Variants in DIS3L2 observed in about 807,000 individuals in gnomAD.
The protein encoded by DIS3L2 is DIS3 like 3'-5' exoribonuclease 2, also known as DIS3-like exonuclease 2.
Under a neutral mutation model 97.5 loss-of-function variants are expected in DIS3L2, and 34 were observed. The observed-to-expected ratio is 0.35, with a 90% CI of 0.27 to 0.46. The LOEUF is 0.46. DIS3L2 is among the 20% of genes least tolerant of loss of function. DIS3L2 has a pLI of 1.00. For synonymous variants in DIS3L2, 435 were observed against 445.2 expected (o/e 0.98, Z 0.29); for missense variants, 1,038 against 1,146.0 (o/e 0.91, Z 1.36).
intron 9 of DIS3L2, among the ~76,000 whole-genome samples, chr2:232,175,419 T>G (rs142085493): frequency 2.6e-5 from 4 of 152,298 alleles, no homozygotes; most frequent in African/African-American, 9.6e-5. Context: ...TTTACTGGAT[T>G]CCTTTTTAGG....
intron 13 of DIS3L2, among the ~76,000 whole-genome samples, chr2:232,275,899 C>T (rs1353256901): frequency 6.6e-6 from 1 of 152,170 alleles, no homozygotes; most frequent in Middle Eastern, 3.2e-3. Context: ...CTTTCGTGTT[C>T]TACAGTAACA....
Position 232,273,182 on chromosome 2 carries a change from GT to G in DIS3L2, c.1659+9745del, listed in dbSNP as rs373894395. On this transcript the variant is annotated intron_variant, in intron 13 of 20. Coordinates refer to ENST00000325385, the MANE Select transcript of DIS3L2 (RefSeq NM_152383.5). ...AGCCCATCCACCCCTCCTTCCTAGGGTTTCCCTGATACTTTATTTATACCTG... is the reference window on the plus strand; with the variant it reads ...AGCCCATCCACCCCTCCTTCCTAGGGTTCCCTGATACTTTATTTATACCTG... 4.1e-3 allele frequency among the ~76,000 whole-genome samples: 628 copies of G among 152,118 alleles called. 11 individuals carry two copies. Among genetic ancestry groups the G allele is most frequent in the African/African-American group, 0.015 (612 of 41,488 alleles).
At chr2:232,236,096 C>T (rs1425419460) in intron 10 of DIS3L2, among the ~76,000 whole-genome samples, 4 of 152,150 alleles carry the variant, frequency 2.6e-5, no homozygotes, top group Non-Finnish European at 5.9e-5. Context: ...GAAGAATGCC[C>T]TGTAGGAAGG....
At chr2:232,088,388 T>G (rs986159711) in intron 6 of DIS3L2, among the ~76,000 whole-genome samples, 1 of 30,210 alleles carries the variant, frequency 3.3e-5, no homozygotes, top group Non-Finnish European at 6.8e-5. Context: ...CTACTAAAAA[T>G]ACAAAAAAAA....
At chr2:232,298,215 C>T (rs1327975584) in intron 13 of DIS3L2, among the ~76,000 whole-genome samples, 5 of 152,132 alleles carry the variant, frequency 3.3e-5, no homozygotes, top group African/African-American at 1.2e-4. Context: ...TTAGTCTTTC[C>T]AATAAATAAC....
intron 5 of DIS3L2, among the ~76,000 whole-genome samples, chr2:232,049,394 G>A (rs561150735): frequency 6.6e-6 from 1 of 152,136 alleles, no homozygotes; most frequent in South Asian, 2.1e-4. Flanking sequence ...ATGCACCAGC[G>A]TTGGGAGATG....
At chr2:232,062,596 C>T (rs1159095103) in intron 5 of DIS3L2, among the ~76,000 whole-genome samples, 1 of 152,080 alleles carries the variant, frequency 6.6e-6, no homozygotes, top group Non-Finnish European at 1.5e-5. Flanking sequence ...TGTTTATTTC[C>T]TGGTGATGTT....
intron 13 of DIS3L2, among the ~76,000 whole-genome samples, chr2:232,265,697 C>T (rs1693837096): frequency 1.3e-5 from 2 of 152,118 alleles, no homozygotes; most frequent in Admixed American, 1.3e-4. Flanking sequence ...TTGGAAAGAC[C>T]TGGATAAGGA....
intron 6 of DIS3L2, among the ~76,000 whole-genome samples, chr2:232,093,293 G>A (rs1481678007): frequency 1.3e-5 from 2 of 152,062 alleles, no homozygotes; most frequent in Non-Finnish European, 2.9e-5. Context: ...TTATTTGCTA[G>A]TATTTTGTTG....
At chr2:232,049,875 G>T (rs1172729337) in intron 5 of DIS3L2, among the ~76,000 whole-genome samples, 10 of 152,240 alleles carry the variant, frequency 6.6e-5, no homozygotes, top group Admixed American at 5.9e-4. Flanking sequence ...GTGTCCTCAT[G>T]GTATTTAGGG....
intron 5 of DIS3L2, among the ~76,000 whole-genome samples, chr2:232,082,743 C>T (rs1293343710): frequency 6.6e-6 from 1 of 152,208 alleles, no homozygotes; most frequent in Non-Finnish European, 1.5e-5. Context: ...ATCACAAAAT[C>T]AGACGTAGGT....
At chr2:232,259,924 G>C (rs1456978850) in intron 12 of DIS3L2, 2 of 152,228 alleles carry the variant, frequency 1.3e-5, no homozygotes, top group African/African-American at 4.8e-5. Flanking sequence ...GAGCCACCGT[G>C]CTTGGCCAAA....
chr2:232,045,881 A>C (rs1695228580), intron 5 of DIS3L2, among the ~76,000 whole-genome samples: 1 of 151,536 alleles, frequency 6.6e-6, no homozygotes, highest in South Asian at 2.1e-4. Flanking sequence ...CACCATGTTG[A>C]CCAGGCTGGT....
chr2:232,252,423 A>G (rs1375133636), intron 12 of DIS3L2, among the ~76,000 whole-genome samples: 3 of 151,300 alleles, frequency 2.0e-5, no homozygotes, highest in Non-Finnish European at 4.4e-5. Context: ...AAAATAAAAG[A>G]AAAAGAAAAA....
chr2:232,315,787 T>G (rs79589617), intron 14 of DIS3L2, among the ~76,000 whole-genome samples: 13,717 of 152,230 alleles, frequency 0.09, 781 homozygotes, highest in African/African-American at 0.16. Context: ...TCATGCCCAC[T>G]GAATTAAGCA....
chr2:232,292,695 G>T lies in DIS3L2; in HGVS notation c.1660-7345G>T, dbSNP rs11695843. ...GAGCCTGCCCTCCTGTGTGACCTCA[G>T]CCTGAGCCCCTGAAAGGAGAAGGCT... On this transcript the variant is annotated intron_variant, in intron 13 of 20. Coordinates refer to ENST00000325385, the MANE Select transcript of DIS3L2 (RefSeq NM_152383.5). This position sits in a 1 kb window ranked among gnomAD's most constrained non-coding sequence, Gnocchi z 4.4. Among the ~76,000 whole-genome samples the T allele has an allele frequency of 0.012, 1,796 of 152,322 alleles. 17 individuals carry two copies. Among genetic ancestry groups the T allele is most frequent in the Non-Finnish European group, 0.017 (1,185 of 68,022 alleles).
intron 11 of DIS3L2, among the ~76,000 whole-genome samples, chr2:232,246,042 G>A (rs543908492): frequency 1.8e-4 from 27 of 152,348 alleles, no homozygotes; most frequent in Admixed American, 7.2e-4. Context: ...GAGAGAGACA[G>A]GAGTGAGGCC....
At chr2:232,318,468 C>T (rs1330218399) in intron 14 of DIS3L2, among the ~76,000 whole-genome samples, 1 of 152,188 alleles carries the variant, frequency 6.6e-6, no homozygotes, top group Non-Finnish European at 1.5e-5. Flanking sequence ...AAGAGAAGGG[C>T]CCAGTTCCTT....
intron 14 of DIS3L2, among the ~76,000 whole-genome samples, chr2:232,308,937 C>G (rs927863941): frequency 1.3e-5 from 2 of 152,134 alleles, no homozygotes; most frequent in African/African-American, 4.8e-5. Context: ...TTCAGGTGCT[C>G]TGACAAGTGG....
Sources: gnomAD v4.1 joint callset for allele counts (sites outside exome capture counted in the v4.1 genomes callset) on GRCh38, gnomAD v4.1.1 for gene constraint, Gnocchi (gnomAD v3.1) non-coding constraint, MANE v1.5 for transcripts, NCBI Gene and HGNC (gene_info 2026-07-23, HGNC 2026-07-21) for gene names.